The following TSPAN4 variants were observed in gnomAD, a reference collection of about 807,000 sequenced individuals.
The protein encoded by TSPAN4 is tetraspanin-4.
A neutral mutation model predicts 31.5 loss-of-function variants in TSPAN4; 38 were observed. That is an observed-to-expected ratio of 1.21 (90% confidence interval 0.93 to 1.58). The LOEUF (loss-of-function observed/expected upper bound fraction) is 1.58. Among genes scored for constraint, TSPAN4 ranks in the 40% most tolerant of loss-of-function variants. TSPAN4 has a pLI of 0.00. For missense variants in TSPAN4, 330 were observed against 317.3 expected, an observed-to-expected ratio of 1.04 and a Z score of -0.30; for synonymous variants, 186 against 144.6, an observed-to-expected ratio of 1.29 and a Z score of -2.06.
chr11:865,177 T>C, intron 5 of TSPAN4: 1 of 292,590 alleles, frequency 3.4e-6, no homozygotes, highest in Non-Finnish European at 6.5e-6. Flanking sequence ...GCCAGGGTGC[T>C]GGGTGGGCTC....
chr11:858,358 C>T (rs943614832), intron 3 of TSPAN4: 1 of 152,554 alleles, frequency 6.6e-6, no homozygotes, highest in East Asian at 1.9e-4. Context: ...CCCCTGCCCA[C>T]CCTGGGGCTG....
chr11:862,220 T>TG lies in TSPAN4; in HGVS notation c.64-326dup, dbSNP rs34125653. 1.6e-3 allele frequency: 544 copies of TG among 348,900 alleles called. 5 individuals carry two copies. Among genetic ancestry groups the TG allele is most frequent in the African/African-American group, 0.01 (492 of 47,096 alleles). The allele number at this position is 348,900 out of a possible 1,614,324, so 21.6% of individuals were successfully genotyped here. A position where few individuals can be genotyped will look rare whatever the true frequency, so the allele number is the denominator to read the frequency against. On this transcript the variant is annotated intron_variant, in intron 3 of 8. Coordinates refer to ENST00000397397, the MANE Select transcript of TSPAN4 (RefSeq NM_003271.5). ...GGTTAGGGGTGTGCAGACTGCGTCC[T>TG]GGGGCCTAAGATCCCGTCCCTTTGG...
rs1236499810 is a variant in TSPAN4, at chr11:865,692, A to G, written c.433-2A>G. ...TCAGCCCGACCTGAGCTTGCCCCCC[A>G]GTTCCGCTGCTGTGGCGTCTCCAAC... is the stretch of plus-strand genomic sequence containing the variant. On this transcript the variant is annotated splice_acceptor_variant, in intron 6 of 8. Coordinates refer to ENST00000397397, the MANE Select transcript of TSPAN4 (RefSeq NM_003271.5). LOFTEE classifies it high-confidence loss of function. 5.0e-6 allele frequency: 8 copies of G among 1,613,084 alleles called. No homozygotes were observed. The highest frequency in any genetic ancestry group is 6.8e-6 in the Non-Finnish European group (8 of 1,179,900).
intron 3 of TSPAN4, 51 bp downstream of exon 3, chr11:850,418 C>T: frequency 6.7e-7 from 1 of 1,499,166 alleles, no homozygotes; most frequent in South Asian, 1.2e-5. Flanking sequence ...GGGTCCCTCC[C>T]GCGGCGGGTC....
chr11:852,020 T>C (rs895571973), intron 3 of TSPAN4, among the ~76,000 whole-genome samples: 2 of 152,026 alleles, frequency 1.3e-5, no homozygotes, highest in Non-Finnish European at 2.9e-5. Flanking sequence ...CAGAGAAGCC[T>C]CCATTCCTAC....
chr11:862,939 T>C (rs1246012558), intron 4 of TSPAN4, 198 bp downstream of exon 4: 2 of 603,116 alleles, frequency 3.3e-6, no homozygotes, highest in African/African-American at 3.7e-5. Context: ...GGGGGTGATT[T>C]GCAGAGCGGT....
chr11:855,988 C>G (rs927068095), intron 3 of TSPAN4, among the ~76,000 whole-genome samples: 1 of 152,192 alleles, frequency 6.6e-6, no homozygotes, highest in Non-Finnish European at 1.5e-5. Context: ...CCCGTGGGCC[C>G]GGAGGGAGCA....
intron 3 of TSPAN4, among the ~76,000 whole-genome samples, chr11:851,104 C>T (rs997128768): frequency 2.6e-5 from 4 of 152,210 alleles, no homozygotes; most frequent in Admixed American, 6.5e-5. Flanking sequence ...GGACAGGGTT[C>T]CACCCCACCC....
At chr11:854,785 G>A (rs374476605) in intron 3 of TSPAN4, among the ~76,000 whole-genome samples, 3 of 152,236 alleles carry the variant, frequency 2.0e-5, no homozygotes, top group Non-Finnish European at 2.9e-5. Context: ...GAGCTGAGAC[G>A]ATGTCTGGCA....
chr11:861,705 C>T lies in TSPAN4; in HGVS notation c.64-845C>T, dbSNP rs775857335. On this transcript the variant is annotated intron_variant, in intron 3 of 8. Transcript: ENST00000397397. ...CCAGCCTGGGTGACAGTGCGAGACTCGGTATCAAAAAAAAAACAAAAAAGA... is the reference window on the plus strand; with the variant it reads ...CCAGCCTGGGTGACAGTGCGAGACTTGGTATCAAAAAAAAAACAAAAAAGA... Among the ~76,000 whole-genome samples the T allele has an allele frequency of 5.3e-5, 8 of 150,566 alleles. No homozygotes were observed. In the South Asian group the frequency reaches 6.3e-4, roughly 12 times the overall value.
intron 3 of TSPAN4, chr11:859,715 C>T (rs1368502371): frequency 1.9e-5 from 3 of 154,376 alleles, no homozygotes; most frequent in South Asian, 1.9e-4. Context: ...TCCGGGCCGC[C>T]CTCCACCGGG....
chr11:862,654 G>A lies in TSPAN4; in HGVS notation c.168G>A (p.Leu56=), dbSNP rs553840987. The A allele has an allele frequency of 8.1e-5, 131 of 1,613,208 alleles. 1 individual carries two copies. Among genetic ancestry groups the A allele is most frequent in the Admixed American group, 1.8e-4 (11 of 59,986 alleles). ...TCCCGTCCCTGTCGGCTGCCAACTTGCTCATCATCACCGGCGCCTTTGTCA... is the reference window on the plus strand; with the variant it reads ...TCCCGTCCCTGTCGGCTGCCAACTTACTCATCATCACCGGCGCCTTTGTCA... ...SSFPSLSAAN[L]LIITGAFVMA... Residue 56 remains leucine, a synonymous_variant, in exon 4 of 9, where the codon TTG becomes TTA. Coordinates refer to ENST00000397397, the MANE Select transcript of TSPAN4 (RefSeq NM_003271.5).
intron 1 of TSPAN4, among the ~76,000 whole-genome samples, chr11:846,510 G>A (rs1452962878): frequency 6.6e-6 from 1 of 152,200 alleles, no homozygotes; most frequent in Non-Finnish European, 1.5e-5. Flanking sequence ...GCGAGGTGTT[G>A]CGGGGTTGAG....
chr11:849,866 GT>G (rs533383357), intron 2 of TSPAN4: 6,098 of 147,814 alleles, frequency 0.041, 155 homozygotes, highest in Non-Finnish European at 0.051. Flanking sequence ...AGATGTTTGG[GT>G]TCCGCCGCCG....
intron 5 of TSPAN4, 44 bp downstream of exon 5, chr11:864,555 T>C: frequency 6.2e-7 from 1 of 1,605,216 alleles, no homozygotes; most frequent in Non-Finnish European, 8.5e-7. Context: ...GGCTGGGGGC[T>C]CCATCCTCAC....
chr11:865,813 C>A lies in TSPAN4; in HGVS notation c.552C>A (p.Thr184=). The A allele has an allele frequency of 6.2e-7, 1 of 1,612,468 alleles. No homozygotes were observed. The highest frequency in any genetic ancestry group is 1.7e-5 in the Admixed American group (1 of 59,912). The change falls in exon 7 of 9, where the codon ACC becomes ACA. Residue 184 remains threonine, a synonymous_variant. Coordinates refer to ENST00000397397, the MANE Select transcript of TSPAN4 (RefSeq NM_003271.5). ...GCTGTGGGCTGCACGCCCCCGGCACCTGGTGGAAGGCGGTGAGTGAGACCC... is the reference window on the plus strand; with the variant it reads ...GCTGTGGGCTGCACGCCCCCGGCACATGGTGGAAGGCGGTGAGTGAGACCC... The part of the protein sequence containing the change: ...SESCGLHAPG[T]WWKAPCYETV...
chr11:847,436 G>A (rs138076476), intron 2 of TSPAN4, 136 bp downstream of exon 2: 5 of 152,256 alleles, frequency 3.3e-5, no homozygotes, highest in South Asian at 2.1e-4. Flanking sequence ...TGGAGCTCCC[G>A]TGGGGAGGGG....
At position 861,982 on chromosome 11, in the gene TSPAN4, T is replaced by C. The variant is rs544729997; in HGVS notation, c.64-568T>C. ...GAGCAGAGTGTGAGGGAATCAGCGT[T>C]TCTCCTGCCACGAGTGACAGGGGAC... is the stretch of plus-strand genomic sequence containing the variant. On this transcript the variant is annotated intron_variant, in intron 3 of 8. Transcript: ENST00000397397. Among the ~76,000 whole-genome samples the C allele has an allele frequency of 3.3e-5, 5 of 152,264 alleles. 1 individual carries two copies. In the South Asian group the frequency reaches 1.0e-3, roughly 32 times the overall value.
intron 2 of TSPAN4, among the ~76,000 whole-genome samples, chr11:849,171 TCTGGGTCTGTC>T (rs1847482663): frequency 6.6e-6 from 1 of 150,894 alleles, no homozygotes; most frequent in Admixed American, 6.6e-5. Flanking sequence ...CCTGGAGCGC[TCTGGGTCTGTC>T]CTGGGGCTGC....
Sources: gnomAD v4.1 joint callset for allele counts (sites outside exome capture counted in the v4.1 genomes callset) on GRCh38, gnomAD v4.1.1 for gene constraint, MANE v1.5 for transcripts, NCBI Gene and HGNC (gene_info 2026-07-23, HGNC 2026-07-21) for gene names.